The following GRM7 variants were observed in gnomAD, a reference collection of about 807,000 sequenced individuals.
The protein encoded by GRM7 is metabotropic glutamate receptor 7.
Under a neutral mutation model 84.5 loss-of-function variants are expected in GRM7, and 35 were observed. The observed-to-expected ratio is 0.41, with a 90% CI of 0.32 to 0.55. GRM7 has a LOEUF of 0.55. Among genes scored for constraint, GRM7 ranks in the 20% least tolerant of loss-of-function variants. The pLI is 0.19. For synonymous variants in GRM7, 487 were observed against 455.1 expected (o/e 1.07, Z -0.89); for missense variants, 1,003 against 1,194.6 (o/e 0.84, Z 2.36).
chr3:6,898,448 T>G (rs1574987649), intron 1 of GRM7, among the ~76,000 whole-genome samples: 1 of 141,756 alleles, frequency 7.1e-6, no homozygotes, highest in African/African-American at 2.6e-5. Context: ...GTAGAAACAG[T>G]GAATGTTCTG....
chr3:7,196,166 G>T (rs528861838), intron 2 of GRM7, among the ~76,000 whole-genome samples: 32 of 152,156 alleles, frequency 2.1e-4, no homozygotes, highest in Admixed American at 4.6e-4. Context: ...CTATGTTGCA[G>T]TTCAAATCTG....
chr3:7,173,869 C>T (rs1476589046), intron 2 of GRM7, among the ~76,000 whole-genome samples: 3 of 152,142 alleles, frequency 2.0e-5, no homozygotes, highest in Non-Finnish European at 4.4e-5. Flanking sequence ...GGTCTTTATC[C>T]CTAATTGCCA....
Position 7,588,027 on chromosome 3 carries a change from C to G in GRM7, c.2451+8670C>G, listed in dbSNP as rs529346602. ...GAACACTAGCTTCAGTCTATACCCTCCCTCCCCAAGTAAAGCATGAGACAT... is the reference window on the plus strand; with the variant it reads ...GAACACTAGCTTCAGTCTATACCCTGCCTCCCCAAGTAAAGCATGAGACAT... On this transcript the variant is annotated intron_variant, in intron 8 of 9. Coordinates refer to ENST00000357716, the MANE Select transcript of GRM7 (RefSeq NM_000844.4). Among the ~76,000 whole-genome samples the G allele has an allele frequency of 9.9e-5, 15 of 152,190 alleles. No individual in the cohort carries two copies. The South Asian group carries it at 1.9e-3, about 19-fold the overall frequency.
chr3:6,955,546 G>A (rs373981145), intron 1 of GRM7, among the ~76,000 whole-genome samples: 1 of 145,224 alleles, frequency 6.9e-6, no homozygotes, highest in Non-Finnish European at 1.5e-5. Flanking sequence ...AAAAAAAAAA[G>A]AAGAATAGAA....
At chr3:7,263,668 C>T (rs1485943313) in intron 2 of GRM7, among the ~76,000 whole-genome samples, 1 of 152,150 alleles carries the variant, frequency 6.6e-6, no homozygotes, top group African/African-American at 2.4e-5. Flanking sequence ...GTGGTAGTGG[C>T]TACTCAGAGC....
chr3:7,204,796 T>C (rs1336491331), intron 2 of GRM7, among the ~76,000 whole-genome samples: 1 of 152,230 alleles, frequency 6.6e-6, no homozygotes, highest in Non-Finnish European at 1.5e-5. Flanking sequence ...AGAGCAATTT[T>C]TTGCCTCCTT....
chr3:7,259,951 C>CTTTTTTTTTTTTTTTTTTTTTT (rs1559534237), intron 2 of GRM7, among the ~76,000 whole-genome samples: 1 of 13,420 alleles, frequency 7.5e-5, no homozygotes, highest in African/African-American at 5.5e-4. Context: ...TTACCAGCAT[C>CTTTTTTTTTTTTTTTTTTTTTT]TGTTTTTTTT....
At chr3:7,354,032 G>A (rs867869827) in intron 4 of GRM7, among the ~76,000 whole-genome samples, 2 of 152,084 alleles carry the variant, frequency 1.3e-5, no homozygotes, top group Non-Finnish European at 2.9e-5. Context: ...CATAAAAACA[G>A]AGAATTTTTA....
At chr3:7,598,491 G>A (rs867238402) in intron 8 of GRM7, among the ~76,000 whole-genome samples, 6 of 152,036 alleles carry the variant, frequency 3.9e-5, no homozygotes, top group East Asian at 1.9e-4. Context: ...TGACTGACTC[G>A]GAACCATATA....
chr3:7,707,930 A>ATTTTTTT (rs34344224), intron 9 of GRM7, among the ~76,000 whole-genome samples: 1 of 123,684 alleles, frequency 8.1e-6, no homozygotes, highest in Non-Finnish European at 1.7e-5. Context: ...GAAGCTTTCA[A>ATTTTTTT]TTTTTTTTTT....
chr3:6,967,632 G>A (rs1255537728), intron 1 of GRM7, among the ~76,000 whole-genome samples: 1 of 152,178 alleles, frequency 6.6e-6, no homozygotes, highest in East Asian at 1.9e-4. Flanking sequence ...GAAGAATACA[G>A]CTTTTGGAGG....
At chr3:7,325,043 G>A (rs897866317) in intron 4 of GRM7, among the ~76,000 whole-genome samples, 30 of 152,208 alleles carry the variant, frequency 2.0e-4, no homozygotes, top group African/African-American at 5.5e-4. Context: ...TTTTTCAGTC[G>A]CCAGGATGGG....
At chr3:7,330,175 A>G (rs1308048745) in intron 4 of GRM7, among the ~76,000 whole-genome samples, 20 of 152,204 alleles carry the variant, frequency 1.3e-4, no homozygotes, top group Non-Finnish European at 2.9e-4. Flanking sequence ...TCAGTTTGTC[A>G]AATATATATT....
At chr3:7,163,068 T>C (rs1302885340) in intron 2 of GRM7, among the ~76,000 whole-genome samples, 1 of 151,912 alleles carries the variant, frequency 6.6e-6, no homozygotes, top group East Asian at 1.9e-4. Flanking sequence ...CCTACTCTTC[T>C]AGTTTTTTCT....
intron 2 of GRM7, among the ~76,000 whole-genome samples, chr3:7,244,862 G>A (rs1347686895): frequency 6.6e-6 from 1 of 152,024 alleles, no homozygotes; most frequent in East Asian, 1.9e-4. Flanking sequence ...GACTGCATAT[G>A]TTGGAATGAG....
chr3:7,374,759 G>A (rs555776351), intron 4 of GRM7, among the ~76,000 whole-genome samples: 4 of 151,672 alleles, frequency 2.6e-5, no homozygotes, highest in African/African-American at 7.3e-5. Context: ...CCAAAGTGCT[G>A]GGATTACAGG....
intron 7 of GRM7, among the ~76,000 whole-genome samples, chr3:7,568,936 C>T (rs142185353): frequency 0.021 from 3,204 of 152,240 alleles, 107 homozygotes; most frequent in African/African-American, 0.073. Flanking sequence ...CCTGCTCCAC[C>T]GGTGCCCTGT....
At chr3:7,467,143 A>T (rs976662746) in intron 7 of GRM7, among the ~76,000 whole-genome samples, 1 of 151,654 alleles carries the variant, frequency 6.6e-6, no homozygotes, top group Non-Finnish European at 1.5e-5. Context: ...GCTGGAGTGC[A>T]GTGGCGCGAT....
At chr3:6,926,361 T>C (rs1697297554) in intron 1 of GRM7, among the ~76,000 whole-genome samples, 1 of 152,182 alleles carries the variant, frequency 6.6e-6, no homozygotes, top group South Asian at 2.1e-4. Context: ...TAAATAGAAA[T>C]ATAGTGTTTT....
Sources: gnomAD v4.1 joint callset for allele counts (sites outside exome capture counted in the v4.1 genomes callset) on GRCh38, gnomAD v4.1.1 for gene constraint, MANE v1.5 for transcripts, NCBI Gene and HGNC (gene_info 2026-07-23, HGNC 2026-07-21) for gene names.